KCNT2: variants seen among roughly 807,000 people sequenced by gnomAD.
The protein encoded by KCNT2 is potassium sodium-activated channel subfamily T member 2.
KCNT2 carries 67 observed loss-of-function variants against 153.8 expected under a neutral mutation model. That is an observed-to-expected ratio of 0.44 (90% CI 0.36 to 0.53). The LOEUF is 0.53. Ranked by LOEUF, KCNT2 falls within the 20% of genes least tolerant of loss-of-function variation. The probability of loss-of-function intolerance (pLI) is 0.00; values close to 1 mark genes in which losing one functional copy is unlikely to be tolerated. For synonymous variants in KCNT2, 500 were observed against 458.8 expected (o/e 1.09, Z -1.15); for missense variants, 975 against 1,354.8 (o/e 0.72, Z 4.40).
At chr1:196,251,344 T>C (rs547268196) in intron 26 of KCNT2, among the ~76,000 whole-genome samples, 2 of 152,182 alleles carry the variant, frequency 1.3e-5, no homozygotes, top group South Asian at 4.1e-4. Context: ...ATTCATAAAG[T>C]GTTTTTTTCC....
intron 17 of KCNT2, 26 bp from the exon 18 acceptor site, chr1:196,331,287 C>G (rs1236866262): frequency 8.4e-7 from 1 of 1,185,958 alleles, no homozygotes; most frequent in Non-Finnish European, 1.3e-6. Context: ...AAATATTACC[C>G]TTGGATAAGG....
intron 14 of KCNT2, among the ~76,000 whole-genome samples, chr1:196,361,792 G>T (rs986674738): frequency 6.6e-6 from 1 of 152,074 alleles, no homozygotes; most frequent in African/African-American, 2.4e-5. Context: ...TGAAAACAGA[G>T]GCTCAGATTT....
At chr1:196,258,945 T>A (rs1207972135) in intron 25 of KCNT2, among the ~76,000 whole-genome samples, 2 of 152,156 alleles carry the variant, frequency 1.3e-5, no homozygotes, top group Admixed American at 6.6e-5. Context: ...TTGGAATTAA[T>A]GTTGTTTTTA....
chr1:196,592,961 G>A (rs1356557081), intron 1 of KCNT2, among the ~76,000 whole-genome samples: 1 of 149,998 alleles, frequency 6.7e-6, no homozygotes, highest in East Asian at 1.9e-4. Flanking sequence ...GGGGGAACAG[G>A]TAGTATTTGG....
chr1:196,521,679 T>C (rs909509418), intron 1 of KCNT2, among the ~76,000 whole-genome samples: 8 of 152,178 alleles, frequency 5.3e-5, no homozygotes, highest in African/African-American at 1.7e-4. Context: ...GGCATCATCC[T>C]TAGCAAACCA....
At chr1:196,519,013 A>C (rs138091158) in intron 1 of KCNT2, among the ~76,000 whole-genome samples, 162 of 152,294 alleles carry the variant, frequency 1.1e-3, no homozygotes, top group East Asian at 6.6e-3. Context: ...CACAAGGCAC[A>C]TAGGTTAAAA....
intron 1 of KCNT2, among the ~76,000 whole-genome samples, chr1:196,496,664 A>G (rs2148749048): frequency 6.6e-6 from 1 of 152,282 alleles, no homozygotes; most frequent in East Asian, 1.9e-4. Flanking sequence ...GAAAACAAGC[A>G]AGGTTATTTA....
intron 23 of KCNT2, among the ~76,000 whole-genome samples, chr1:196,283,799 T>C (rs1659355759): frequency 6.6e-6 from 1 of 152,146 alleles, no homozygotes; most frequent in Admixed American, 6.5e-5. Context: ...TTCAGTAAGA[T>C]AGAAAATAGT....
At chr1:196,411,417 A>G (rs926673992) in intron 12 of KCNT2, among the ~76,000 whole-genome samples, 13 of 140,110 alleles carry the variant, frequency 9.3e-5, no homozygotes, top group Non-Finnish European at 1.8e-4. Context: ...TGCTATAATA[A>G]TTTCAGGATT....
chr1:196,502,314 T>C (rs1350697805), intron 1 of KCNT2, among the ~76,000 whole-genome samples: 2 of 152,180 alleles, frequency 1.3e-5, no homozygotes, highest in African/African-American at 4.8e-5. Flanking sequence ...ACACCTTTAG[T>C]CAGTAACATT....
intron 8 of KCNT2, among the ~76,000 whole-genome samples, chr1:196,452,005 A>T (rs138899956): frequency 6.6e-6 from 1 of 151,964 alleles, no homozygotes; most frequent in Non-Finnish European, 1.5e-5. Context: ...CGGGTAATAG[A>T]CAAGTATTCC....
At chr1:196,533,241 G>A (rs1037666353) in intron 1 of KCNT2, among the ~76,000 whole-genome samples, 17 of 152,068 alleles carry the variant, frequency 1.1e-4, no homozygotes, top group Non-Finnish European at 1.3e-4. Flanking sequence ...AGCTATTGAT[G>A]TAGTGAAGCT....
chr1:196,364,049 T>G lies in KCNT2; in HGVS notation c.1403+9091A>C, dbSNP rs569298878. Among the ~76,000 whole-genome samples the G allele has an allele frequency of 5.1e-4, 77 of 152,098 alleles. No homozygotes were observed. In the South Asian group the frequency reaches 8.1e-3, roughly 16 times the overall value. ...AAAGAGAAATAACAACTAAAGGCAA[T>G]GCAGGATCTTAGAGTTGTGGAACAG... is the stretch of plus-strand genomic sequence containing the variant. On this transcript the variant is annotated intron_variant, in intron 14 of 27. Transcript: ENST00000294725.
intron 1 of KCNT2, among the ~76,000 whole-genome samples, chr1:196,562,199 G>T (rs909535779): frequency 4.0e-5 from 6 of 151,832 alleles, no homozygotes; most frequent in African/African-American, 1.5e-4. Context: ...ATATGACAAA[G>T]AAATATATAT....
intron 8 of KCNT2, among the ~76,000 whole-genome samples, chr1:196,438,233 G>A (rs982148229): frequency 6.6e-6 from 1 of 151,718 alleles, no homozygotes; most frequent in African/African-American, 2.4e-5. Flanking sequence ...ATACACAAAA[G>A]TCTCATAAAG....
chr1:196,420,510 C>T lies in KCNT2; in HGVS notation c.1185+2540G>A, dbSNP rs201268215. On this transcript the variant is annotated intron_variant, in intron 12 of 27. Coordinates refer to ENST00000294725, the MANE Select transcript of KCNT2 (RefSeq NM_198503.5). ...TTAGGAGTTGAGTGGAGGCAGAGAG[C>T]TTTTCTCACATAGATTTCATTTTAG... Among the ~76,000 whole-genome samples, 7 of 151,932 alleles carry T rather than the reference C, an allele frequency of 4.6e-5. No homozygotes were observed. The East Asian group carries it at 1.4e-3, about 30-fold the overall frequency.
chr1:196,365,885 T>C (rs1288132032), intron 14 of KCNT2, among the ~76,000 whole-genome samples: 1 of 152,176 alleles, frequency 6.6e-6, no homozygotes, highest in Non-Finnish European at 1.5e-5. Flanking sequence ...ACAAAGCCAA[T>C]GAGACAACTA....
At chr1:196,413,513 T>C (rs1436910443) in intron 12 of KCNT2, among the ~76,000 whole-genome samples, 1 of 151,756 alleles carries the variant, frequency 6.6e-6, no homozygotes, top group East Asian at 1.9e-4. Context: ...TGCAAGATTT[T>C]TGCAGATAAC....
chr1:196,421,065 T>C (rs980075356), intron 12 of KCNT2, among the ~76,000 whole-genome samples: 1 of 152,118 alleles, frequency 6.6e-6, no homozygotes, highest in African/African-American at 2.4e-5. Context: ...CGCAGCTTGC[T>C]TCTAATTTGT....
Sources: allele counts gnomAD v4.1 joint callset (sites outside exome capture counted in the v4.1 genomes callset), GRCh38; gene constraint gnomAD v4.1.1; transcripts MANE v1.5; gene names NCBI Gene and HGNC (gene_info 2026-07-23, HGNC 2026-07-21).